Variants in ACTR3C observed in about 807,000 individuals in gnomAD.
The protein encoded by ACTR3C is actin related protein 3C.
A neutral mutation model predicts 26.3 loss-of-function variants in ACTR3C; 18 were observed. The ratio of observed to expected loss-of-function variants is 0.68; its 90% CI spans 0.47 to 1.01. ACTR3C has a LOEUF of 1.01. Ranked by LOEUF, ACTR3C falls within the 50% of genes least tolerant of loss-of-function variation. ACTR3C has a pLI of 0.00. For missense variants in ACTR3C, 184 were observed against 250.7 expected (o/e 0.73, Z 1.80); for synonymous variants, 55 against 94.5 (o/e 0.58, Z 2.42).
the ACTR3C span, among the ~76,000 whole-genome samples, chr7:149,986,189 A>G: frequency 6.6e-6 from 1 of 152,004 alleles, no homozygotes; most frequent in African/African-American, 2.4e-5. Flanking sequence ...CTTCCTAGGA[A>G]ATCACTACAC....
the ACTR3C span, among the ~76,000 whole-genome samples, chr7:149,939,015 T>C: frequency 5.3e-5 from 8 of 150,882 alleles, no homozygotes; most frequent in Non-Finnish European, 1.2e-4. Flanking sequence ...AGTTGTGTTC[T>C]TGTTGCCCAG....
intron 6 of ACTR3C, among the ~76,000 whole-genome samples, chr7:150,267,076 A>G (rs1034752993): frequency 8.5e-5 from 13 of 152,216 alleles, no homozygotes; most frequent in Non-Finnish European, 1.3e-4. Context: ...TAAGACTGGA[A>G]ACAACTCAAA....
intron 6 of ACTR3C, among the ~76,000 whole-genome samples, chr7:150,250,259 A>T (rs1320543332): frequency 2.1e-5 from 3 of 141,238 alleles, no homozygotes; most frequent in African/African-American, 8.5e-5. Flanking sequence ...GCTGGAGTGC[A>T]GTGGCGCGAT....
At chr7:150,126,690 C>T in the ACTR3C span, among the ~76,000 whole-genome samples, 3 of 152,122 alleles carry the variant, frequency 2.0e-5, no homozygotes, top group Non-Finnish European at 4.4e-5. Flanking sequence ...ACAGAAAAAG[C>T]CCATGGATTC....
the ACTR3C span, among the ~76,000 whole-genome samples, chr7:150,092,707 C>T: frequency 9.0e-4 from 135 of 150,598 alleles, no homozygotes; most frequent in Admixed American, 2.1e-3. Flanking sequence ...CGTTGCATCT[C>T]GCTGAGCCTC....
the ACTR3C span, among the ~76,000 whole-genome samples, chr7:150,084,426 G>A: frequency 4.6e-5 from 7 of 152,224 alleles, no homozygotes; most frequent in Admixed American, 3.9e-4. Context: ...ATAGTGATAC[G>A]TGTTGAGAAG....
At chr7:149,890,294 C>T in the ACTR3C span, among the ~76,000 whole-genome samples, 1 of 150,358 alleles carries the variant, frequency 6.7e-6, no homozygotes, top group Non-Finnish European at 1.5e-5. Flanking sequence ...TTAATTTTAA[C>T]TTGATGAAAA....
At chr7:150,221,464 G>T in the ACTR3C span, among the ~76,000 whole-genome samples, 51 of 152,056 alleles carry the variant, frequency 3.4e-4, no homozygotes, top group African/African-American at 1.2e-3. Flanking sequence ...GTCTGAACAG[G>T]GGACCAAGGG....
chr7:150,260,471 G>A lies in ACTR3C; in HGVS notation c.565-11417C>T, dbSNP rs187119892. On this transcript the variant is annotated intron_variant, in intron 6 of 7. Coordinates refer to ENST00000683684, the MANE Select transcript of ACTR3C (RefSeq NM_001164458.2). ...TTTTGTTTGTTTTGTAGAGGGAAAG[G>A]GAAATGATTAGTAAAAGGGAGGTTT... Among the ~76,000 whole-genome samples the A allele has an allele frequency of 2.0e-3, 305 of 152,272 alleles. 1 individual carries two copies. The highest frequency in any genetic ancestry group is 3.4e-3 in the Non-Finnish European group (234 of 68,030).
At chr7:149,963,244 G>A in the ACTR3C span, among the ~76,000 whole-genome samples, 4,706 of 152,228 alleles carry the variant, frequency 0.031, 199 homozygotes, top group African/African-American at 0.11. Flanking sequence ...GAAATTAAAC[G>A]ACTCTGTCCC....
the ACTR3C span, among the ~76,000 whole-genome samples, chr7:150,204,850 A>C: frequency 7.9e-5 from 12 of 151,966 alleles, no homozygotes; most frequent in South Asian, 2.5e-3. Flanking sequence ...AGGACTGGCG[A>C]GTGCAGAGGA....
chr7:150,125,366 T>C, the ACTR3C span, among the ~76,000 whole-genome samples: 94 of 151,784 alleles, frequency 6.2e-4, 1 homozygote, highest in South Asian at 0.019. Flanking sequence ...GCAAGGCCGC[T>C]GGGTAAAATG....
chr7:150,006,998 C>T, the ACTR3C span, among the ~76,000 whole-genome samples: 1 of 152,202 alleles, frequency 6.6e-6, no homozygotes, highest in Non-Finnish European at 1.5e-5. Context: ...CCAACAGCAT[C>T]TTAGCTCCTT....
At chr7:149,950,816 T>TGGGG in the ACTR3C span, among the ~76,000 whole-genome samples, 1 of 114,718 alleles carries the variant, frequency 8.7e-6, no homozygotes, top group African/African-American at 3.9e-5. Flanking sequence ...CTGTAGATAC[T>TGGGG]GGGTCCTCAA....
the ACTR3C span, among the ~76,000 whole-genome samples, chr7:149,973,884 G>A: frequency 1.7e-5 from 2 of 118,592 alleles, no homozygotes; most frequent in Admixed American, 1.8e-4. Flanking sequence ...CTGCTGGTAT[G>A]AGGAAGTAAG....
chr7:150,205,878 T>G, the ACTR3C span, among the ~76,000 whole-genome samples: 1 of 152,016 alleles, frequency 6.6e-6, no homozygotes, highest in African/African-American at 2.4e-5. Flanking sequence ...GCAAAGAGGC[T>G]TATAGAAAAG....
At chr7:150,237,569 T>C in the ACTR3C span, among the ~76,000 whole-genome samples, 2 of 152,124 alleles carry the variant, frequency 1.3e-5, no homozygotes. Flanking sequence ...CCATATCTCA[T>C]AGGGTGGTCA....
At chr7:149,900,597 A>G in the ACTR3C span, among the ~76,000 whole-genome samples, 1 of 152,188 alleles carries the variant, frequency 6.6e-6, no homozygotes, top group Non-Finnish European at 1.5e-5. Flanking sequence ...AGAAAGAACA[A>G]TGGAAAGATC....
the ACTR3C span, among the ~76,000 whole-genome samples, chr7:150,135,782 A>G: frequency 6.6e-6 from 1 of 151,700 alleles, no homozygotes; most frequent in Non-Finnish European, 1.5e-5. Context: ...AGAAAGAAAG[A>G]AAGAAAGGAA....
Sources: gnomAD v4.1 joint callset for allele counts (sites outside exome capture counted in the v4.1 genomes callset) on GRCh38, gnomAD v4.1.1 for gene constraint, MANE v1.5 for transcripts, NCBI Gene and HGNC (gene_info 2026-07-23, HGNC 2026-07-21) for gene names.